RB1: variants seen among roughly 807,000 people sequenced by gnomAD.
RB1 encodes retinoblastoma-associated protein.
Under a neutral mutation model 135.4 loss-of-function variants are expected in RB1, and 18 were observed. The ratio of observed to expected loss-of-function variants is 0.13; its 90% CI spans 0.09 to 0.20. The LOEUF (loss-of-function observed/expected upper bound fraction) is 0.20, where lower values mean the gene tolerates loss of function less well. Ranked by LOEUF, RB1 falls within the 10% of genes least tolerant of loss-of-function variation. The probability of loss-of-function intolerance (pLI) is 1.00; values close to 1 mark genes in which losing one functional copy is unlikely to be tolerated. For synonymous variants in RB1, 365 were observed against 373.2 expected (o/e 0.98, Z 0.25); for missense variants, 868 against 1,110.0 (o/e 0.78, Z 3.10).
chr13:48,372,800 T>C (rs796420002), intron 11 of RB1, among the ~76,000 whole-genome samples: 1 of 152,240 alleles, frequency 6.6e-6, no homozygotes, highest in African/African-American at 2.4e-5. Context: ...ATAATTAAAG[T>C]GTCCCAAATG....
chr13:48,415,938 C>G (rs1217694991), intron 17 of RB1: 2 of 152,152 alleles, frequency 1.3e-5, no homozygotes, highest in Admixed American at 1.3e-4. Flanking sequence ...TGGAAAAATA[C>G]AGAGTAACTA....
At chr13:48,354,647 C>A (rs756161389) in intron 6 of RB1, among the ~76,000 whole-genome samples, 6 of 150,044 alleles carry the variant, frequency 4.0e-5, no homozygotes, top group Non-Finnish European at 9.0e-5. Context: ...AGCAGAAAGA[C>A]GACGTTGCTT....
At chr13:48,311,535 G>T (rs1027813841) in intron 2 of RB1, among the ~76,000 whole-genome samples, 2 of 152,086 alleles carry the variant, frequency 1.3e-5, no homozygotes, top group African/African-American at 4.8e-5. Context: ...GTAGGCAATT[G>T]TAACACAATG....
chr13:48,348,305 T>G (rs1412101417), intron 5 of RB1, among the ~76,000 whole-genome samples: 1 of 151,876 alleles, frequency 6.6e-6, no homozygotes, highest in African/African-American at 2.4e-5. Context: ...GCTCCAGAGT[T>G]TTTTCTTGGA....
At chr13:48,325,185 G>T (rs1441802156) in intron 2 of RB1, among the ~76,000 whole-genome samples, 1 of 151,988 alleles carries the variant, frequency 6.6e-6, no homozygotes, top group Non-Finnish European at 1.5e-5. Flanking sequence ...GTGTGTCCAT[G>T]TGTTCTCATT....
chr13:48,467,313 T>C (rs1949452432), intron 23 of RB1, among the ~76,000 whole-genome samples: 1 of 131,216 alleles, frequency 7.6e-6, no homozygotes, highest in African/African-American at 2.7e-5. Flanking sequence ...AAACTAAGCT[T>C]CATAAGTGAA....
chr13:48,408,330 A>T (rs1462834672), intron 17 of RB1, among the ~76,000 whole-genome samples: 1 of 152,198 alleles, frequency 6.6e-6, no homozygotes, highest in Middle Eastern at 3.4e-3. Flanking sequence ...CTCAGTAAAG[A>T]TGATTTCTAA....
intron 17 of RB1, among the ~76,000 whole-genome samples, chr13:48,448,150 TAAA>T (rs1312374612): frequency 1.3e-5 from 2 of 152,186 alleles, no homozygotes; most frequent in African/African-American, 4.8e-5. Flanking sequence ...CTAGGAAGTA[TAAA>T]ATATTTAGTA....
chr13:48,336,852 C>T (rs771255008), intron 2 of RB1, among the ~76,000 whole-genome samples: 2 of 152,086 alleles, frequency 1.3e-5, no homozygotes, highest in African/African-American at 4.8e-5. Flanking sequence ...CACTGCTTTA[C>T]ATGTGTCCCA....
chr13:48,476,493 G>T (rs1449274850), intron 24 of RB1: 2 of 521,464 alleles, frequency 3.8e-6, no homozygotes, highest in East Asian at 6.8e-5. Context: ...GATTTACAAA[G>T]AGTGGGTGTT....
At chr13:48,388,381 A>G (rs565758381) in intron 17 of RB1, among the ~76,000 whole-genome samples, 1 of 152,200 alleles carries the variant, frequency 6.6e-6, no homozygotes, top group Non-Finnish European at 1.5e-5. Context: ...AGAGGTGTCA[A>G]GTAGCAGTTG....
intron 17 of RB1, among the ~76,000 whole-genome samples, chr13:48,442,033 A>G (rs896012025): frequency 2.6e-5 from 4 of 152,050 alleles, no homozygotes; most frequent in Admixed American, 2.6e-4. Flanking sequence ...GTGTTTTTCT[A>G]TTCAGTCGTA....
intron 17 of RB1, among the ~76,000 whole-genome samples, chr13:48,448,600 A>T (rs1209920918): frequency 6.6e-6 from 1 of 152,234 alleles, no homozygotes; most frequent in Non-Finnish European, 1.5e-5. Context: ...TTCACAGCTT[A>T]TCAAGTACCT....
At chr13:48,338,494 A>G (rs1003664949) in intron 2 of RB1, among the ~76,000 whole-genome samples, 4 of 152,208 alleles carry the variant, frequency 2.6e-5, no homozygotes, top group Non-Finnish European at 5.9e-5. Context: ...TTGTGCATTC[A>G]TCACGTAGTT....
intron 6 of RB1, among the ~76,000 whole-genome samples, chr13:48,356,175 G>A (rs748072665): frequency 8.6e-5 from 13 of 151,772 alleles, no homozygotes; most frequent in South Asian, 2.1e-4. Flanking sequence ...CACATACCCC[G>A]TAAATATATG....
In RB1 at chr13:48,464,619, G is replaced by A. The variant is rs149515147; in HGVS notation, c.2212-379G>A. On this transcript the variant is annotated intron_variant, in intron 21 of 26. Transcript: ENST00000267163. ...CAGAGAATGTAGTCCAAATATTGGT[G>A]GATAATATTATTGGCTTTCGCTCAG... is the stretch of plus-strand genomic sequence containing the variant. 1.0e-3 allele frequency among the ~76,000 whole-genome samples: 153 copies of A among 152,276 alleles called. 4 individuals carry two copies. In the East Asian group the frequency reaches 0.028, roughly 27 times the overall value.
chr13:48,443,403 A>G (rs1949257123), intron 17 of RB1, among the ~76,000 whole-genome samples: 1 of 152,068 alleles, frequency 6.6e-6, no homozygotes, highest in Non-Finnish European at 1.5e-5. Context: ...TAGTTTTAAT[A>G]TCTATAAACT....
intron 26 of RB1, among the ~76,000 whole-genome samples, chr13:48,477,924 A>G (rs544142605): frequency 1.3e-5 from 2 of 152,318 alleles, no homozygotes; most frequent in South Asian, 4.1e-4. Context: ...ATACAGAGTG[A>G]TATCATGTTA....
intron 17 of RB1, among the ~76,000 whole-genome samples, chr13:48,446,213 C>T (rs965244831): frequency 8.5e-5 from 13 of 152,194 alleles, no homozygotes; most frequent in African/African-American, 2.9e-4. Flanking sequence ...CTGCCTCAGC[C>T]TTCCAAGGTG....
Sources: gnomAD v4.1 joint callset for allele counts (sites outside exome capture counted in the v4.1 genomes callset) on GRCh38, gnomAD v4.1.1 for gene constraint, MANE v1.5 for transcripts, NCBI Gene and HGNC (gene_info 2026-07-23, HGNC 2026-07-21) for gene names.